The following RBFOX1 variants were observed in gnomAD, a reference collection of about 807,000 sequenced individuals.
The protein encoded by RBFOX1 is RNA binding protein fox-1 homolog 1.
A neutral mutation model predicts 57.7 loss-of-function variants in RBFOX1; 8 were observed. That is an observed-to-expected ratio of 0.14 (90% CI 0.08 to 0.25). The LOEUF is 0.25. Among genes scored for constraint, RBFOX1 ranks in the 10% least tolerant of loss-of-function variants. The pLI is 1.00. For synonymous variants in RBFOX1, 326 were observed against 222.4 expected, an observed-to-expected ratio of 1.47 and a Z score of -4.15; for missense variants, 611 against 548.5, an observed-to-expected ratio of 1.11 and a Z score of -1.14.
chr16:6,533,338 C>G (rs1040491425), intron 2 of RBFOX1, among the ~76,000 whole-genome samples: 2 of 152,160 alleles, frequency 1.3e-5, no homozygotes, highest in Admixed American at 6.5e-5. Context: ...GAACCTGGCT[C>G]AGAAAATAGA....
At chr16:5,580,062 C>T (rs767042806) in intron 2 of RBFOX1, among the ~76,000 whole-genome samples, 7 of 152,312 alleles carry the variant, frequency 4.6e-5, no homozygotes, top group South Asian at 4.1e-4. Context: ...TGAGCCACTG[C>T]GCCCAGCTGG....
intron 3 of RBFOX1, among the ~76,000 whole-genome samples, chr16:6,720,222 A>T (rs531119809): frequency 7.2e-4 from 110 of 152,290 alleles, no homozygotes; most frequent in African/African-American, 2.5e-3. Flanking sequence ...TTGGATACTT[A>T]ATGAAATACT....
intron 1 of RBFOX1, among the ~76,000 whole-genome samples, chr16:5,302,706 C>T (rs2063834319): frequency 6.6e-6 from 1 of 152,116 alleles, no homozygotes; most frequent in Non-Finnish European, 1.5e-5. Context: ...TGCTCTTTGT[C>T]TTGAGGTTTA....
At chr16:7,100,499 C>G (rs1044390935) in intron 4 of RBFOX1, among the ~76,000 whole-genome samples, 4 of 150,080 alleles carry the variant, frequency 2.7e-5, no homozygotes, top group African/African-American at 7.4e-5. Flanking sequence ...TATTTTCATA[C>G]AAATTATCTC....
At chr16:6,745,447 A>G (rs749849135) in intron 3 of RBFOX1, among the ~76,000 whole-genome samples, 11 of 152,196 alleles carry the variant, frequency 7.2e-5, no homozygotes, top group South Asian at 2.1e-4. Context: ...AAAGGATACT[A>G]TATCAAGAAT....
intron 3 of RBFOX1, among the ~76,000 whole-genome samples, chr16:5,810,643 G>A (rs907021838): frequency 2.0e-5 from 3 of 152,162 alleles, no homozygotes; most frequent in Non-Finnish European, 4.4e-5. Flanking sequence ...CTAAACAGCT[G>A]TACCACTTCC....
At chr16:5,859,882 A>C (rs1422382293) in intron 3 of RBFOX1, among the ~76,000 whole-genome samples, 1 of 152,198 alleles carries the variant, frequency 6.6e-6, no homozygotes, top group South Asian at 2.1e-4. Flanking sequence ...CCTGCTGGGC[A>C]TGAGTTGACT....
intron 3 of RBFOX1, among the ~76,000 whole-genome samples, chr16:6,852,026 T>G (rs1184611071): frequency 6.6e-6 from 1 of 151,478 alleles, no homozygotes; most frequent in East Asian, 2.0e-4. Context: ...CCCGGGTTCA[T>G]GCCATTCTCC....
intron 2 of RBFOX1, among the ~76,000 whole-genome samples, chr16:6,639,143 A>G (rs2098466860): frequency 6.6e-6 from 1 of 152,220 alleles, no homozygotes; most frequent in Non-Finnish European, 1.5e-5. Flanking sequence ...ATGCATAAGA[A>G]TGATAAATTT....
chr16:5,341,018 G>C (rs769126365), intron 1 of RBFOX1, among the ~76,000 whole-genome samples: 19 of 152,160 alleles, frequency 1.2e-4, no homozygotes, highest in Non-Finnish European at 2.5e-4. Flanking sequence ...GAATAACCCA[G>C]ATACCTGTGG....
At chr16:6,091,981 A>G (rs117381923) in intron 1 of RBFOX1, among the ~76,000 whole-genome samples, 2,754 of 152,230 alleles carry the variant, frequency 0.018, 37 homozygotes, top group Non-Finnish European at 0.026. Context: ...GTGTCTGTCC[A>G]TTCATCCACT....
intron 4 of RBFOX1, among the ~76,000 whole-genome samples, chr16:7,230,800 C>G (rs775134064): frequency 6.6e-6 from 1 of 152,160 alleles, no homozygotes; most frequent in Non-Finnish European, 1.5e-5. Context: ...TTTCCCCATT[C>G]TTTTTTGGTC....
intron 3 of RBFOX1, among the ~76,000 whole-genome samples, chr16:6,663,103 G>C (rs763472582): frequency 2.6e-5 from 4 of 152,302 alleles, no homozygotes; most frequent in Non-Finnish European, 5.9e-5. Context: ...ATGGATACAG[G>C]AGTACAGGGT....
intron 3 of RBFOX1, among the ~76,000 whole-genome samples, chr16:7,034,172 C>T (rs566270491): frequency 1.3e-5 from 2 of 152,106 alleles, no homozygotes; most frequent in African/African-American, 4.8e-5. Context: ...TTCAAATAGC[C>T]TGGGTTTGAC....
At chr16:7,103,267 C>A (rs144075863) in intron 4 of RBFOX1, among the ~76,000 whole-genome samples, 1 of 152,104 alleles carries the variant, frequency 6.6e-6, no homozygotes, top group Non-Finnish European at 1.5e-5. Context: ...AGAACTTTAA[C>A]TGTTTTGAGT....
intron 2 of RBFOX1, among the ~76,000 whole-genome samples, chr16:6,441,607 G>A (rs1163040600): frequency 2.0e-5 from 3 of 151,972 alleles, no homozygotes; most frequent in Non-Finnish European, 2.9e-5. Context: ...TAGTACAGAC[G>A]GGGTTTCGCC....
rs73524645 is a variant in RBFOX1 at position 6,483,405 on chromosome 16, C to T, written c.-64+166348C>T. 1.2e-3 allele frequency: 1,836 copies of T among 1,534,298 alleles called. 26 individuals are homozygous for T. The African/African-American group carries it at 0.022, about 18-fold the overall frequency. ...CACGACAGATGACTGGAGTCATTTA[C>T]ATTGCTAGCACGTGGGTGCCGTTTG... is the stretch of plus-strand genomic sequence containing the variant. On this transcript the variant is annotated intron_variant, in intron 2 of 15. Coordinates refer to ENST00000550418, the MANE Select transcript of RBFOX1 (RefSeq NM_018723.4).
chr16:7,074,854 A>G (rs1027069002), intron 4 of RBFOX1, among the ~76,000 whole-genome samples: 3 of 152,162 alleles, frequency 2.0e-5, no homozygotes, highest in African/African-American at 7.2e-5. Context: ...ATTGCGCAAC[A>G]TATCTCTGTA....
intron 4 of RBFOX1, among the ~76,000 whole-genome samples, chr16:7,208,697 C>T (rs995309979): frequency 2.0e-5 from 3 of 152,086 alleles, no homozygotes; most frequent in African/African-American, 4.8e-5. Flanking sequence ...ATTAGCTGGG[C>T]ATGATGGCAT....
Sources: allele counts gnomAD v4.1 joint callset (sites outside exome capture counted in the v4.1 genomes callset), GRCh38; gene constraint gnomAD v4.1.1; transcripts MANE v1.5; gene names NCBI Gene and HGNC (gene_info 2026-07-23, HGNC 2026-07-21).